Variants in RDH11 observed in about 807,000 individuals in gnomAD.
RDH11 encodes the protein HCV core-binding protein HCBP12.
RDH11 carries 19 observed loss-of-function variants against 33.4 expected under a neutral mutation model. The observed-to-expected ratio is 0.57, with a 90% CI of 0.40 to 0.83. RDH11 has a LOEUF of 0.83. RDH11 is among the 40% of genes least tolerant of loss of function. The pLI is 0.00. For synonymous variants in RDH11, 154 were observed against 155.3 expected, an observed-to-expected ratio of 0.99 and a Z score of 0.06; for missense variants, 353 against 389.0, an observed-to-expected ratio of 0.91 and a Z score of 0.78.
chr14:67,692,632 T>C, intron 2 of RDH11, 39 bp from the exon 3 acceptor site: 1 of 1,512,840 alleles, frequency 6.6e-7, no homozygotes, highest in Non-Finnish European at 8.8e-7. Flanking sequence ...GTCAGCTCTG[T>C]TTTTGAGCTG....
Position 67,676,969 on chromosome 14 carries a change from T to A in RDH11, c.*1352A>T, listed in dbSNP as rs1225243521. The A allele has an allele frequency of 6.6e-6, 1 of 152,244 alleles. No individual in the cohort carries two copies. Among genetic ancestry groups the A allele is most frequent in the East Asian group, 1.9e-4 (1 of 5,204 alleles). 9.4% of individuals were successfully genotyped at this position (152,244 alleles called of 1,614,324 possible). ...GAATTTTTCTAATTTTTCCGTAAAA[T>A]GACCATTTCTAAACATATAGCTTAA... On this transcript the variant is annotated 3_prime_UTR_variant, in exon 7 of 7. Transcript: ENST00000381346.
chr14:67,687,308 G>C (rs753894704), intron 5 of RDH11, among the ~76,000 whole-genome samples: 1 of 152,060 alleles, frequency 6.6e-6, no homozygotes, highest in South Asian at 2.1e-4. Flanking sequence ...TGGCCTCTAA[G>C]GGTTTGGCAT....
chr14:67,692,352 T>C (rs998000103), intron 3 of RDH11, 86 bp downstream of exon 3: 7 of 1,425,590 alleles, frequency 4.9e-6, no homozygotes, highest in South Asian at 2.5e-5. Flanking sequence ...ACCACTTCTA[T>C]GAGGAAGAGG....
At chr14:67,688,792 T>C (rs2037712557) in intron 5 of RDH11, among the ~76,000 whole-genome samples, 1 of 152,148 alleles carries the variant, frequency 6.6e-6, no homozygotes, top group Admixed American at 6.5e-5. Context: ...GATTTTACAT[T>C]TAATAGTTTG....
At chr14:67,680,870 C>G (rs2037606937) in intron 6 of RDH11, among the ~76,000 whole-genome samples, 1 of 152,194 alleles carries the variant, frequency 6.6e-6, no homozygotes, top group African/African-American at 2.4e-5. Context: ...AATTTCAAAA[C>G]TTACTACAAT....
At chr14:67,679,838 T>C (rs2037592783) in intron 6 of RDH11, among the ~76,000 whole-genome samples, 2 of 150,480 alleles carry the variant, frequency 1.3e-5, no homozygotes, top group Admixed American at 6.6e-5. Flanking sequence ...AAAAAATGAT[T>C]GAATGTATTA....
At chr14:67,690,013 G>A in intron 5 of RDH11, 199 bp downstream of exon 5, 1 of 560,796 alleles carries the variant, frequency 1.8e-6, no homozygotes, top group Non-Finnish European at 3.2e-6. Flanking sequence ...CAGGCCTTCA[G>A]ACTCAAAGTC....
chr14:67,692,605 C>T lies in RDH11; in HGVS notation c.194-12G>A. The stretch of plus-strand genomic sequence containing the variant: ...ATATACTCGAGCTCCTGTCAGCCAA[C>T]ATATGAAAGAGAAATGGTCAGCTCT... On this transcript the variant is annotated splice_polypyrimidine_tract_variant and intron_variant, in intron 2 of 6. Transcript: ENST00000381346. 1 of 1,543,024 alleles carries T rather than the reference C, an allele frequency of 6.5e-7. No individual in the cohort carries two copies. Among genetic ancestry groups the T allele is most frequent in the Non-Finnish European group, 8.7e-7 (1 of 1,149,982 alleles).
rs1278041592 is a variant in RDH11 at position 67,690,254 on chromosome 14, C to G, written c.622G>C (p.Ala208Pro). ...AGTTCCTGGGTGAAGAGGATGTTGG[C>G]TAGCTTGCTGTGACAGTAGGCCAGG... ...AGLAYCHSKL[A>P]NILFTQELAR... Residue 208 changes from alanine (A) to proline (P), a missense_variant, in exon 5 of 7, where the codon GCC becomes CCC. Coordinates refer to ENST00000381346, the MANE Select transcript of RDH11 (RefSeq NM_016026.4). 2 of 1,613,878 alleles carry G rather than the reference C, an allele frequency of 1.2e-6. No homozygotes were observed. The highest frequency in any genetic ancestry group is 1.7e-6 in the Non-Finnish European group (2 of 1,180,018).
At chr14:67,690,799 A>G (rs2037739696) in intron 4 of RDH11, 2 of 372,006 alleles carry the variant, frequency 5.4e-6, no homozygotes, top group South Asian at 3.2e-5. Flanking sequence ...CCTGGGCAAC[A>G]TAGCAAGACC....
At chr14:67,693,616 GTAAT>G (rs1432976568) in intron 1 of RDH11, among the ~76,000 whole-genome samples, 5 of 151,026 alleles carry the variant, frequency 3.3e-5, no homozygotes, top group Non-Finnish European at 7.4e-5. Flanking sequence ...CTTGCTTTGT[GTAAT>G]TAGAGTCCTT....
intron 1 of RDH11, among the ~76,000 whole-genome samples, 193 bp downstream of exon 1, chr14:67,695,437 A>G (rs1335588588): frequency 1.3e-5 from 2 of 152,090 alleles, no homozygotes; most frequent in Admixed American, 1.3e-4. Flanking sequence ...GCCCTTTCTC[A>G]CCGCCTGGGG....
Position 67,695,755 on chromosome 14 carries a change from A to C in RDH11, c.-52T>G, listed in dbSNP as rs772036512. ...CGGGATGCTCCAGCGTTGCTCGCCG[A>C]CTATGGCTTCTCTTTCTAGACACGC... On this transcript the variant is annotated 5_prime_UTR_variant, in exon 1 of 7. Transcript: ENST00000381346. 39 of 1,555,162 alleles carry C rather than the reference A, an allele frequency of 2.5e-5. No homozygotes were observed. In the Middle Eastern group the frequency reaches 6.9e-4, roughly 27 times the overall value.
chr14:67,678,207 A>G lies in RDH11; in HGVS notation c.*114T>C. The G allele has an allele frequency of 1.4e-6, 1 of 694,162 alleles. No individual in the cohort carries two copies. 43.0% of individuals were successfully genotyped at this position (694,162 alleles called of 1,614,324 possible). A position where few individuals can be genotyped will look rare whatever the true frequency, so the allele number is the denominator to read the frequency against. ...TGGACACCAAGCAGGCAAGGCTGGAAGGTTTTGCTCTCTTTGTGCTAAAGG... is the reference window on the plus strand; with the variant it reads ...TGGACACCAAGCAGGCAAGGCTGGAGGGTTTTGCTCTCTTTGTGCTAAAGG... On this transcript the variant is annotated 3_prime_UTR_variant, in exon 7 of 7. Coordinates refer to ENST00000381346, the MANE Select transcript of RDH11 (RefSeq NM_016026.4).
chr14:67,689,042 A>G (rs2037716195), intron 5 of RDH11, among the ~76,000 whole-genome samples: 1 of 152,172 alleles, frequency 6.6e-6, no homozygotes. Flanking sequence ...GAGTCACCTC[A>G]TTCATGTATT....
chr14:67,692,363 G>A, intron 3 of RDH11, 75 bp downstream of exon 3: 1 of 1,490,870 alleles, frequency 6.7e-7, no homozygotes, highest in Non-Finnish European at 9.2e-7. Context: ...GAGGAAGAGG[G>A]ACCTTTTCCT....
Position 67,695,748 on chromosome 14 carries a change from C to T in RDH11, c.-45G>A. 1 of 1,579,376 alleles carries T rather than the reference C, an allele frequency of 6.3e-7. No individual in the cohort carries two copies. The highest frequency in any genetic ancestry group is 8.7e-7 in the Non-Finnish European group (1 of 1,151,148). On this transcript the variant is annotated 5_prime_UTR_variant, in exon 1 of 7. Transcript: ENST00000381346. The stretch of plus-strand genomic sequence containing the variant: ...ACCAGAGCGGGATGCTCCAGCGTTG[C>T]TCGCCGACTATGGCTTCTCTTTCTA...
At chr14:67,683,481 T>A (rs1300338486) in intron 6 of RDH11, among the ~76,000 whole-genome samples, 4 of 152,224 alleles carry the variant, frequency 2.6e-5, no homozygotes, top group Non-Finnish European at 5.9e-5. Flanking sequence ...AGTGGACAAC[T>A]GTTACTCTTT....
chr14:67,686,704 T>A (rs2140068483), intron 5 of RDH11, among the ~76,000 whole-genome samples: 1 of 151,584 alleles, frequency 6.6e-6, no homozygotes, highest in East Asian at 1.9e-4. Context: ...TTGCACATGC[T>A]ATTTCAGGCC....
Sources: allele counts gnomAD v4.1 joint callset (sites outside exome capture counted in the v4.1 genomes callset), GRCh38; gene constraint gnomAD v4.1.1; transcripts MANE v1.5; gene names NCBI Gene and HGNC (gene_info 2026-07-23, HGNC 2026-07-21).